The following KCTD1 variants were observed in gnomAD, a reference collection of about 807,000 sequenced individuals.
KCTD1 encodes BTB/POZ domain-containing protein KCTD1.
In KCTD1, 24 loss-of-function variants were observed where a neutral mutation model predicts 66.0. The ratio of observed to expected loss-of-function variants is 0.36; its 90% CI spans 0.26 to 0.51. The LOEUF (loss-of-function observed/expected upper bound fraction) is 0.51. KCTD1 is among the 20% of genes least tolerant of loss of function. KCTD1 has a pLI of 0.95. For synonymous variants in KCTD1, 511 were observed against 517.2 expected (o/e 0.99, Z 0.16); for missense variants, 943 against 1,205.2 (o/e 0.78, Z 3.22).
intron 2 of KCTD1, among the ~76,000 whole-genome samples, chr18:26,484,003 A>G (rs1383576743): frequency 6.6e-6 from 1 of 152,246 alleles, no homozygotes; most frequent in Non-Finnish European, 1.5e-5. Context: ...TGTCCATAAT[A>G]AAAAGTTTTT....
chr18:26,602,589 G>A (rs766748633), intron 1 of KCTD1, among the ~76,000 whole-genome samples: 10 of 152,150 alleles, frequency 6.6e-5, no homozygotes, highest in Admixed American at 3.9e-4. Flanking sequence ...AGTCATCCAG[G>A]TCCCTCTTCC....
chr18:26,507,081 G>A (rs1360350496), intron 1 of KCTD1, among the ~76,000 whole-genome samples: 3 of 152,136 alleles, frequency 2.0e-5, no homozygotes, highest in Non-Finnish European at 2.9e-5. Context: ...CAGGAGAATC[G>A]CTTGAACCTG....
rs1986961112 is a variant in KCTD1 at position 26,604,112 on chromosome 18, GAC to G, written c.-16+25033_-16+25034del. ...AAAAAGTGGGCAAAGGACATGAACA[GAC>G]ACTTTCCAAAAGAAGACATACATGT... On this transcript the variant is annotated intron_variant, in intron 1 of 4. Coordinates refer to the KCTD1 transcript ENST00000317932. Among the ~76,000 whole-genome samples the G allele has an allele frequency of 4.6e-5, 7 of 152,120 alleles. No homozygotes were observed. The South Asian group carries it at 1.5e-3, about 32-fold the overall frequency.
chr18:26,499,756 G>A (rs1982658794), intron 2 of KCTD1, among the ~76,000 whole-genome samples: 1 of 152,156 alleles, frequency 6.6e-6, no homozygotes, highest in East Asian at 1.9e-4. Context: ...TCTGAAAAAT[G>A]TGGCCGGTGC....
At chr18:26,521,997 A>G (rs1983936368) in intron 1 of KCTD1, among the ~76,000 whole-genome samples, 1 of 152,256 alleles carries the variant, frequency 6.6e-6, no homozygotes, top group Non-Finnish European at 1.5e-5. Context: ...AAAAAAAAGT[A>G]GTTCTAAGGA....
At chr18:26,597,042 G>C (rs560660785) in intron 1 of KCTD1, among the ~76,000 whole-genome samples, 1 of 152,124 alleles carries the variant, frequency 6.6e-6, no homozygotes, top group East Asian at 1.9e-4. Context: ...ACCCAGAGAA[G>C]GCACTGGAGT....
chr18:26,480,805 T>G (rs1168698831), intron 2 of KCTD1, among the ~76,000 whole-genome samples: 1 of 152,140 alleles, frequency 6.6e-6, no homozygotes, highest in Non-Finnish European at 1.5e-5. Context: ...TACTCTTGTT[T>G]ATAGAGCAAA....
rs1441710024 is a variant in KCTD1, at chr18:26,547,288, C to T, written c.1249G>A (p.Asp417Asn). Residue 417 changes from aspartate to asparagine, a missense_variant, in exon 1 of 5, where the codon GAT becomes AAT. By Grantham distance (23) the Asp-to-Asn change is conservative. Around this residue, in one of 10 missense-constraint regions of KCTD1, gnomAD observed 79 missense variants for 133.9 expected, o/e 0.59. Coordinates refer to ENST00000580059, the MANE Select transcript of KCTD1 (RefSeq NM_001142730.3). ...QRPRDHCSEG[D>N]VTWYENKAIG... ...GCTTTGTTCTCGTACCAGGTCACAT[C>T]GCCCTCGCTGCAGTGGTCCCGGGGC... The T allele has an allele frequency of 6.4e-7, 1 of 1,551,554 alleles. No individual in the cohort carries two copies. The highest frequency in any genetic ancestry group is 8.7e-7 in the Non-Finnish European group (1 of 1,146,998).
At chr18:26,642,081 G>A (rs1987844416), upstream of KCTD1, among the ~76,000 whole-genome samples, 1 of 152,106 alleles carries the variant, frequency 6.6e-6, no homozygotes. Context: ...ACTTTTCCAT[G>A]CCCTATGGAA....
In KCTD1 at chr18:26,547,912, GCAGCACGCGGCA is replaced by G; in HGVS notation, c.613_624del (p.Cys205_Leu208del). The G allele has an allele frequency of 6.5e-7, 1 of 1,543,696 alleles. No homozygotes were observed. The highest frequency in any genetic ancestry group is 8.7e-7 in the Non-Finnish European group (1 of 1,146,842). On this transcript the variant is annotated inframe_deletion, in exon 1 of 5. Coordinates refer to ENST00000580059, the MANE Select transcript of KCTD1 (RefSeq NM_001142730.3). ...GAGCGGGCCTCGGCATAGAAGGAGC[GCAGCACGCGGCA>G]CAGCGCCCCCTTGTCCATGGTCTCG...
intron 1 of KCTD1, among the ~76,000 whole-genome samples, chr18:26,572,063 GTTT>G (rs1049877615): frequency 7.1e-6 from 1 of 139,888 alleles, no homozygotes; most frequent in Non-Finnish European, 1.6e-5. Context: ...TGTTGTTGTT[GTTT>G]TTTTTTTTTT....
chr18:26,578,795 A>G (rs1986287421), intron 1 of KCTD1, among the ~76,000 whole-genome samples: 1 of 152,342 alleles, frequency 6.6e-6, no homozygotes, highest in Non-Finnish European at 1.5e-5. Context: ...TTTCAATTAC[A>G]GTGGATGCCT....
chr18:26,561,562 G>A (rs753045499), intron 1 of KCTD1, among the ~76,000 whole-genome samples: 9 of 152,026 alleles, frequency 5.9e-5, no homozygotes, highest in Non-Finnish European at 1.0e-4. Flanking sequence ...TTCTTACCAC[G>A]CCCACCTTCT....
chr18:26,491,771 G>C (rs776751164), intron 2 of KCTD1, among the ~76,000 whole-genome samples: 2 of 152,180 alleles, frequency 1.3e-5, no homozygotes, highest in African/African-American at 2.4e-5. Flanking sequence ...TAGGGAATAA[G>C]GTGAAGGCTG....
In KCTD1 at chr18:26,628,445, C is replaced by T. The variant is rs146605138; in HGVS notation, c.-16+702G>A. ...TAAAAAGTGGAAATAAATCTTCTTA[C>T]GGGCAATTCACATTTTGTGAACAAC... On this transcript the variant is annotated intron_variant, in intron 1 of 4. Transcript: ENST00000317932. Among the ~76,000 whole-genome samples, 204 of 152,176 alleles carry T rather than the reference C, an allele frequency of 1.3e-3. 1 individual carries two copies. Among genetic ancestry groups the T allele is most frequent in the African/African-American group, 4.7e-3 (195 of 41,530 alleles).
chr18:26,524,274 A>G (rs1270720069), intron 1 of KCTD1, among the ~76,000 whole-genome samples: 3 of 152,186 alleles, frequency 2.0e-5, no homozygotes, highest in Admixed American at 2.0e-4. Context: ...GAAGGCGCCA[A>G]GGAGCATGCA....
intron 1 of KCTD1, among the ~76,000 whole-genome samples, chr18:26,648,455 A>T (rs980108332): frequency 6.6e-6 from 1 of 152,218 alleles, no homozygotes; most frequent in Non-Finnish European, 1.5e-5. Flanking sequence ...ATTTAAATAG[A>T]TTGCAGTCCT....
At chr18:26,615,273 A>C (rs963660373) in intron 1 of KCTD1, among the ~76,000 whole-genome samples, 1 of 152,180 alleles carries the variant, frequency 6.6e-6, no homozygotes. Context: ...GGCTGAACCA[A>C]ACCTGTGAGT....
chr18:26,556,173 G>C (rs919656722), intron 1 of KCTD1, among the ~76,000 whole-genome samples: 7 of 152,198 alleles, frequency 4.6e-5, no homozygotes, highest in African/African-American at 1.7e-4. Context: ...CCCTGGGATG[G>C]GTTTGTTCTA....
Sources: allele counts gnomAD v4.1 joint callset (sites outside exome capture counted in the v4.1 genomes callset), GRCh38; gene constraint gnomAD v4.1.1; regional missense constraint gnomAD v4.1.1; transcripts MANE v1.5; gene names NCBI Gene and HGNC (gene_info 2026-07-23, HGNC 2026-07-21).